The following CNOT4 variants were observed in gnomAD, a reference collection of about 807,000 sequenced individuals.
The protein encoded by CNOT4 is CCR4-associated factor 4.
A neutral mutation model predicts 73.8 loss-of-function variants in CNOT4; 8 were observed. That is an observed-to-expected ratio of 0.11 (90% CI 0.06 to 0.20). CNOT4 has a LOEUF of 0.20. Ranked by LOEUF, CNOT4 falls within the 10% of genes least tolerant of loss-of-function variation. CNOT4 has a pLI of 1.00. For synonymous variants in CNOT4, 293 were observed against 321.1 expected (o/e 0.91, Z 0.94); for missense variants, 564 against 883.4 (o/e 0.64, Z 4.58).
At chr7:135,382,132 T>C (rs1255452991) in intron 10 of CNOT4, among the ~76,000 whole-genome samples, 2 of 152,216 alleles carry the variant, frequency 1.3e-5, no homozygotes, top group Non-Finnish European at 2.9e-5. Flanking sequence ...ATTTCTCAAG[T>C]AGCTTAGATT....
At chr7:135,451,808 T>C (rs185550077) in intron 1 of CNOT4, among the ~76,000 whole-genome samples, 1 of 152,340 alleles carries the variant, frequency 6.6e-6, no homozygotes, top group East Asian at 1.9e-4. Context: ...AATTAATTTT[T>C]AAAAGGCAAC....
chr7:135,441,778 T>G (rs1799493566), intron 1 of CNOT4, among the ~76,000 whole-genome samples: 1 of 152,210 alleles, frequency 6.6e-6, no homozygotes, highest in African/African-American at 2.4e-5. Context: ...TTTTGCTTTT[T>G]GATTGTTTCT....
At chr7:135,376,581 T>C (rs992995580) in intron 10 of CNOT4, among the ~76,000 whole-genome samples, 1 of 152,208 alleles carries the variant, frequency 6.6e-6, no homozygotes, top group Non-Finnish European at 1.5e-5. Flanking sequence ...TATATACCTA[T>C]TGAAATTCCT....
rs776746960 is a variant in CNOT4 at position 135,395,591 on chromosome 7, G to C, written c.1129+43C>G. On this transcript the variant is annotated intron_variant, in intron 9 of 11. Coordinates refer to ENST00000541284, the MANE Select transcript of CNOT4 (RefSeq NM_001190850.2). ...TTTCATGTTAGTCTGTCAACAATAC[G>C]TTAAGAGCATAATTACTAATACTTG... The C allele has an allele frequency of 3.2e-6, 5 of 1,578,154 alleles. 1 individual carries two copies. The highest frequency in any genetic ancestry group is 4.3e-6 in the Non-Finnish European group (5 of 1,156,994).
chr7:135,498,917 CA>C lies in CNOT4; in HGVS notation c.-93+10971del, dbSNP rs1803775037. Among the ~76,000 whole-genome samples the C allele has an allele frequency of 2.0e-5, 3 of 152,246 alleles. No individual in the cohort carries two copies. In the South Asian group the frequency reaches 6.2e-4, roughly 32 times the overall value. ...ATTTAGGAGAAGCAAAAAAAATCCCCAAAGCATTTAACTCATATAGGTACTC... is the reference window on the plus strand; with the variant it reads ...ATTTAGGAGAAGCAAAAAAAATCCCCAAGCATTTAACTCATATAGGTACTC... On this transcript the variant is annotated intron_variant, in intron 1 of 11. Coordinates refer to ENST00000541284, the MANE Select transcript of CNOT4 (RefSeq NM_001190850.2).
chr7:135,490,470 G>A (rs1234130964), intron 1 of CNOT4, among the ~76,000 whole-genome samples: 2 of 152,282 alleles, frequency 1.3e-5, no homozygotes, highest in South Asian at 4.1e-4. Context: ...CTTCAAAAAC[G>A]ATGATCCAGT....
intron 1 of CNOT4, among the ~76,000 whole-genome samples, chr7:135,489,000 G>A (rs1802925386): frequency 6.6e-6 from 1 of 151,966 alleles, no homozygotes; most frequent in African/African-American, 2.4e-5. Flanking sequence ...CATAAAAGTT[G>A]TTCCTTCAGA....
chr7:135,488,595 A>G (rs562816203), intron 1 of CNOT4, among the ~76,000 whole-genome samples: 1 of 152,352 alleles, frequency 6.6e-6, no homozygotes, highest in East Asian at 1.9e-4. Flanking sequence ...GTGTGCCAGT[A>G]GAATGAGTCA....
intron 1 of CNOT4, among the ~76,000 whole-genome samples, chr7:135,447,852 C>CTCGAGAG (rs779949268): frequency 2.3e-4 from 35 of 152,174 alleles, no homozygotes; most frequent in Non-Finnish European, 3.4e-4. Context: ...ATGCAGTGAC[C>CTCGAGAG]TCGAGAGTCG....
rs746361170 is a variant in CNOT4 at position 135,394,041 on chromosome 7, C to T, written c.1504G>A (p.Ala502Thr). The stretch of plus-strand genomic sequence containing the variant: ...TGCATGATGCTATTGCGTGGAAAGG[C>T]CATCCAAGGATAGCGGGCTGCCTGG... ...PGQAARYPWM[A>T]FPRNSIMHLN... The change falls in exon 10 of 12, where the codon GCC becomes ACC. Residue 502 changes from alanine (A) to threonine (T), a missense_variant. Physicochemically the swap from Ala to Thr is moderately conservative, Grantham distance 58 (BLOSUM62 0). Coordinates refer to ENST00000541284, the MANE Select transcript of CNOT4 (RefSeq NM_001190850.2). 24 of 1,614,144 alleles carry T rather than the reference C, an allele frequency of 1.5e-5. No individual in the cohort carries two copies. The highest frequency in any genetic ancestry group is 6.6e-5 in the South Asian group (6 of 91,084).
chr7:135,401,079 T>C (rs180985627), intron 7 of CNOT4, among the ~76,000 whole-genome samples: 1 of 152,278 alleles, frequency 6.6e-6, no homozygotes, highest in Admixed American at 6.5e-5. Context: ...TATTTACAAA[T>C]TCCAATAAAT....
Position 135,464,384 on chromosome 7 carries a change from G to A in CNOT4, c.-92-25961C>T, listed in dbSNP as rs530856638. Among the ~76,000 whole-genome samples the A allele has an allele frequency of 2.0e-5, 3 of 152,308 alleles. No individual in the cohort carries two copies. In the South Asian group the frequency reaches 6.2e-4, roughly 32 times the overall value. On this transcript the variant is annotated intron_variant, in intron 1 of 11. Transcript: ENST00000541284. ...AAGAACAAGATCATGTCTTTTGCAG[G>A]AATATGGATGGAGCTGGAGGCTATT... is the stretch of plus-strand genomic sequence containing the variant.
In CNOT4 at chr7:135,362,093, G is replaced by A. The variant is rs953448001; in HGVS notation, c.*792C>T. 9 of 152,530 alleles carry A rather than the reference G, an allele frequency of 5.9e-5. No individual in the cohort carries two copies. Among genetic ancestry groups the A allele is most frequent in the African/African-American group, 2.2e-4 (9 of 41,442 alleles). The allele number at this position is 152,530 out of a possible 1,614,324, so 9.4% of individuals were successfully genotyped here. A position where few individuals can be genotyped will look rare whatever the true frequency, so the allele number is the denominator to read the frequency against. ...AAAAAAGATTCCGACAGAGGAGAAG[G>A]ACTGAAGAAATGACTTACATTTCAG... On this transcript the variant is annotated 3_prime_UTR_variant, in exon 12 of 12. Transcript: ENST00000541284.
At chr7:135,465,702 G>A (rs1269224152) in intron 1 of CNOT4, among the ~76,000 whole-genome samples, 2 of 151,862 alleles carry the variant, frequency 1.3e-5, no homozygotes, top group Non-Finnish European at 2.9e-5. Context: ...TTTAGGTGTG[G>A]GCGAATGTAA....
intron 7 of CNOT4, among the ~76,000 whole-genome samples, chr7:135,400,419 G>T (rs1273687406): frequency 6.6e-6 from 1 of 151,962 alleles, no homozygotes; most frequent in Non-Finnish European, 1.5e-5. Context: ...GAGAGAAAGA[G>T]GTGGTAACAG....
chr7:135,428,308 T>C lies in CNOT4; in HGVS notation c.175-5955A>G, dbSNP rs548322157. 2.0e-5 allele frequency among the ~76,000 whole-genome samples: 3 copies of C among 152,182 alleles called. No homozygotes were observed. The South Asian group carries it at 6.2e-4, about 32-fold the overall frequency. ...GGAACCTTACAAATAATTTTCTCAA[T>C]GACAATAACAAGGAAGCAGCCACAT... On this transcript the variant is annotated intron_variant, in intron 2 of 11. Coordinates refer to ENST00000541284, the MANE Select transcript of CNOT4 (RefSeq NM_001190850.2).
intron 10 of CNOT4, among the ~76,000 whole-genome samples, chr7:135,373,639 C>T (rs996525305): frequency 7.9e-5 from 12 of 152,166 alleles, no homozygotes; most frequent in South Asian, 2.1e-4. Flanking sequence ...GTGCAATGCT[C>T]GATCTCGGCT....
intron 10 of CNOT4, among the ~76,000 whole-genome samples, chr7:135,373,255 C>T (rs1460104710): frequency 6.6e-6 from 1 of 152,202 alleles, no homozygotes; most frequent in Admixed American, 6.5e-5. Flanking sequence ...ACTGCTCAGC[C>T]TGATGCCATA....
At position 135,384,653 on chromosome 7, in the gene CNOT4, T is replaced by A. The variant is rs770664541; in HGVS notation, c.1627+9265A>T. ...TATCTCTTCCCACCACCCAACGACA[T>A]CTATTATCCTACTGAATGAGCCTAT... On this transcript the variant is annotated intron_variant, in intron 10 of 11. Coordinates refer to ENST00000541284, the MANE Select transcript of CNOT4 (RefSeq NM_001190850.2). 3.9e-6 allele frequency: 3 copies of A among 765,142 alleles called. No individual in the cohort carries two copies. The East Asian group carries it at 7.3e-5, about 19-fold the overall frequency. 47.4% of individuals were successfully genotyped at this position (765,142 alleles called of 1,614,324 possible). A position where few individuals can be genotyped will look rare whatever the true frequency, so the allele number is the denominator to read the frequency against.
Sources: allele counts gnomAD v4.1 joint callset (sites outside exome capture counted in the v4.1 genomes callset), GRCh38; gene constraint gnomAD v4.1.1; transcripts MANE v1.5; gene names NCBI Gene and HGNC (gene_info 2026-07-23, HGNC 2026-07-21).